The following UXS1 variants were observed in gnomAD, a reference collection of about 807,000 sequenced individuals.
UXS1 encodes UDP-glucuronic acid decarboxylase 1.
A neutral mutation model predicts 62.6 loss-of-function variants in UXS1; 33 were observed. That is an observed-to-expected ratio of 0.53 (90% CI 0.40 to 0.70). UXS1 has a LOEUF of 0.70. Ranked by LOEUF, UXS1 falls within the 30% of genes least tolerant of loss-of-function variation. The pLI is 0.00. For missense variants in UXS1, 434 were observed against 556.3 expected (o/e 0.78, Z 2.21); for synonymous variants, 213 against 206.8 (o/e 1.03, Z -0.26).
chr2:106,172,303 T>C (rs1234731332), intron 1 of UXS1, among the ~76,000 whole-genome samples: 2 of 152,186 alleles, frequency 1.3e-5, no homozygotes, highest in East Asian at 1.9e-4. Flanking sequence ...CAGCCACCAC[T>C]GGCTAGATGC....
chr2:106,169,611 C>T (rs1004696340), intron 1 of UXS1, among the ~76,000 whole-genome samples: 6 of 152,286 alleles, frequency 3.9e-5, no homozygotes, highest in African/African-American at 1.4e-4. Flanking sequence ...ATCGCTTGAG[C>T]CCAGGAGGTT....
At chr2:106,111,814 A>G (rs1678635274) in intron 10 of UXS1, among the ~76,000 whole-genome samples, 1 of 152,210 alleles carries the variant, frequency 6.6e-6, no homozygotes. Flanking sequence ...GGATTTTCAG[A>G]GTAACAGGAT....
At chr2:106,096,876 A>T (rs1037296457) in intron 13 of UXS1, 55 bp from the exon 14 acceptor site, 7 of 1,499,718 alleles carry the variant, frequency 4.7e-6, no homozygotes, top group African/African-American at 1.4e-5. Context: ...ATGGGTAAGC[A>T]CAGCCTTACC....
At chr2:106,116,232 G>T (rs1235646017) in intron 9 of UXS1, among the ~76,000 whole-genome samples, 1 of 152,220 alleles carries the variant, frequency 6.6e-6, no homozygotes, top group Non-Finnish European at 1.5e-5. Context: ...GAGCACCTCT[G>T]ACAGAAGTGA....
chr2:106,173,518 C>A (rs1683693025), intron 1 of UXS1, among the ~76,000 whole-genome samples: 1 of 152,068 alleles, frequency 6.6e-6, no homozygotes, highest in Admixed American at 6.5e-5. Flanking sequence ...CACACTGCTG[C>A]ACCCCAGCCC....
At chr2:106,187,053 T>G (rs1684603602) in intron 1 of UXS1, among the ~76,000 whole-genome samples, 1 of 151,834 alleles carries the variant, frequency 6.6e-6, no homozygotes, top group South Asian at 2.1e-4. Context: ...ACAAAAAAAG[T>G]ATATATAAAA....
rs1681872755 is a variant in UXS1, at chr2:106,149,856, C to T, written c.292-4486G>A. On this transcript the variant is annotated intron_variant, in intron 5 of 14. Coordinates refer to ENST00000283148, the MANE Select transcript of UXS1 (RefSeq NM_001253875.2). ...GAGTGTTAAAGAAACAGTGGTGAGG[C>T]CTCAGAAGAGAAGAGCTGTGGGGGA... Among the ~76,000 whole-genome samples, 4 of 152,104 alleles carry T rather than the reference C, an allele frequency of 2.6e-5. No individual in the cohort carries two copies. In the South Asian group the frequency reaches 8.3e-4, roughly 31 times the overall value.
At chr2:106,186,632 TC>T (rs1490011313) in intron 1 of UXS1, among the ~76,000 whole-genome samples, 83 of 152,126 alleles carry the variant, frequency 5.5e-4, no homozygotes, top group African/African-American at 2.0e-3. Context: ...CTTGACTGGG[TC>T]CTAGATTTTA....
At chr2:106,131,141 TGACG>T (rs961975383) in intron 6 of UXS1, among the ~76,000 whole-genome samples, 1 of 148,196 alleles carries the variant, frequency 6.7e-6, no homozygotes, top group Non-Finnish European at 1.5e-5. Flanking sequence ...AAGAAAGGGG[TGACG>T]GACGCACCTG....
At chr2:106,141,731 G>A (rs747829179) in intron 6 of UXS1, among the ~76,000 whole-genome samples, 4 of 152,084 alleles carry the variant, frequency 2.6e-5, no homozygotes, top group Non-Finnish European at 5.9e-5. Flanking sequence ...TTACAGACAT[G>A]ATCCACTGTG....
intron 4 of UXS1, among the ~76,000 whole-genome samples, chr2:106,163,039 CCACATACAGTACGTG>C (rs1210818837): frequency 6.6e-6 from 1 of 152,186 alleles, no homozygotes; most frequent in African/African-American, 2.4e-5. Context: ...AGATAGTTTT[CCACATACAGTACGTG>C]CAAGAGGAAA....
chr2:106,114,330 G>A (rs1167884484), intron 9 of UXS1, among the ~76,000 whole-genome samples: 2 of 152,154 alleles, frequency 1.3e-5, no homozygotes, highest in Non-Finnish European at 2.9e-5. Flanking sequence ...AGATACTCAG[G>A]ACAAAGATAT....
At position 106,101,189 on chromosome 2, in the gene UXS1, C is replaced by T. The variant is rs1677565714; in HGVS notation, c.924-71G>A. The T allele has an allele frequency of 3.3e-6, 5 of 1,501,990 alleles. No homozygotes were observed. In the South Asian group the frequency reaches 5.2e-5, roughly 16 times the overall value. The allele number at this position is 1,501,990 out of a possible 1,614,324, so 93.0% of individuals were successfully genotyped here. ...GCTAGTGCCACGCACCACATAGAAG[C>T]CCTCCCAGAAGAAAAATTACCACCC... On this transcript the variant is annotated intron_variant, in intron 11 of 14. Coordinates refer to ENST00000283148, the MANE Select transcript of UXS1 (RefSeq NM_001253875.2).
intron 13 of UXS1, chr2:106,097,602 G>A (rs543927884): frequency 7.8e-4 from 184 of 235,254 alleles, no homozygotes; most frequent in African/African-American, 2.8e-3. Flanking sequence ...GCGTCAGCAC[G>A]CACGGATCAC....
intron 5 of UXS1, among the ~76,000 whole-genome samples, chr2:106,157,083 G>C (rs2105036275): frequency 6.6e-6 from 1 of 152,320 alleles, no homozygotes; most frequent in South Asian, 2.1e-4. Flanking sequence ...GTTGCCTAGA[G>C]ATTGGGGTGT....
intron 1 of UXS1, among the ~76,000 whole-genome samples, chr2:106,178,320 G>A (rs1684019287): frequency 6.6e-6 from 1 of 152,118 alleles, no homozygotes. Flanking sequence ...GAACAATCTG[G>A]TCACCCGCTT....
At chr2:106,176,244 C>T (rs1683868802) in intron 1 of UXS1, among the ~76,000 whole-genome samples, 1 of 152,176 alleles carries the variant, frequency 6.6e-6, no homozygotes, top group Non-Finnish European at 1.5e-5. Flanking sequence ...TGCATCCTTA[C>T]TCACCTCTGA....
chr2:106,167,311 AG>A (rs774192613), intron 1 of UXS1, among the ~76,000 whole-genome samples: 1 of 152,172 alleles, frequency 6.6e-6, no homozygotes, highest in African/African-American at 2.4e-5. Flanking sequence ...TCTAAGTGCC[AG>A]GTGCATTTAG....
At chr2:106,095,560 G>A (rs1249608686) in intron 14 of UXS1, among the ~76,000 whole-genome samples, 1 of 152,168 alleles carries the variant, frequency 6.6e-6, no homozygotes, top group Admixed American at 6.5e-5. Flanking sequence ...CTCTGACTGC[G>A]CCACAACCCA....
Sources: gnomAD v4.1 joint callset for allele counts (sites outside exome capture counted in the v4.1 genomes callset) on GRCh38, gnomAD v4.1.1 for gene constraint, MANE v1.5 for transcripts, NCBI Gene and HGNC (gene_info 2026-07-23, HGNC 2026-07-21) for gene names.